The following LEMD2 variants were observed in gnomAD, a reference collection of about 807,000 sequenced individuals.
The protein encoded by LEMD2 is LEM domain-containing protein 2.
Under a neutral mutation model 58.8 loss-of-function variants are expected in LEMD2, and 34 were observed. The ratio of observed to expected loss-of-function variants is 0.58; its 90% CI spans 0.44 to 0.77. The LOEUF (loss-of-function observed/expected upper bound fraction) is 0.77. Ranked by LOEUF, LEMD2 falls within the 30% of genes least tolerant of loss-of-function variation. The pLI is 0.00. For missense variants in LEMD2, 629 were observed against 717.9 expected, an observed-to-expected ratio of 0.88 and a Z score of 1.42; for synonymous variants, 298 against 308.9, an observed-to-expected ratio of 0.96 and a Z score of 0.37.
chr6:33,785,288 G>GC (rs1440209620), intron 2 of LEMD2, among the ~76,000 whole-genome samples: 3 of 152,174 alleles, frequency 2.0e-5, no homozygotes, highest in African/African-American at 7.2e-5. Flanking sequence ...GGCCAAGGGT[G>GC]CCCCATGAAA....
chr6:33,787,570 G>A (rs1767708166), intron 1 of LEMD2, among the ~76,000 whole-genome samples: 1 of 152,234 alleles, frequency 6.6e-6, no homozygotes, highest in South Asian at 2.1e-4. Context: ...TTTGTAAAGA[G>A]TATTAAAAGT....
chr6:33,788,678 T>G lies in LEMD2; in HGVS notation c.439A>C (p.Thr147Pro), dbSNP rs1025459913. The stretch of plus-strand genomic sequence containing the variant: ...GGGCCCTGCGTGGCCCTGTCGGGCG[T>G]CCGGGCGTCCTCGTCCTCCTCGGAG... ...GSSEEDEDAR[T>P]PDRATQGPGL... Residue 147 changes from threonine to proline, a missense_variant, in exon 1 of 9, where the codon ACG (threonine) becomes CCG (proline). Thr to Pro is a conservative substitution (Grantham distance 38, BLOSUM62 -1). This residue lies in a region of LEMD2 where 386 missense variants were observed against 381.1 expected (regional missense o/e 1.01). Coordinates refer to ENST00000293760, the MANE Select transcript of LEMD2 (RefSeq NM_181336.4). 7.5e-7 allele frequency: 1 copy of G among 1,336,838 alleles called. No individual in the cohort carries two copies. Among genetic ancestry groups the G allele is most frequent in the Non-Finnish European group, 9.6e-7 (1 of 1,043,682 alleles). 82.8% of individuals were successfully genotyped at this position (1,336,838 alleles called of 1,614,324 possible).
At chr6:33,786,862 G>C in intron 1 of LEMD2, 88 bp from the exon 2 acceptor site, 1 of 1,573,960 alleles carries the variant, frequency 6.4e-7, no homozygotes, top group Non-Finnish European at 8.6e-7. Flanking sequence ...TTTGGAGGGA[G>C]TAAAGCATTA....
Position 33,788,378 on chromosome 6 carries a change from T to C in LEMD2, c.736+3A>G. ...CCCTCCCCTGCGCCGGCCCAGGACG[T>C]ACTGTTGTCCTCCGCCTCCTGCGGC... On this transcript the variant is annotated splice_donor_region_variant and intron_variant, in intron 1 of 8. Coordinates refer to ENST00000293760, the MANE Select transcript of LEMD2 (RefSeq NM_181336.4). 6.4e-7 allele frequency: 1 copy of C among 1,569,832 alleles called. No homozygotes were observed. The highest frequency in any genetic ancestry group is 8.6e-7 in the Non-Finnish European group (1 of 1,159,802).
intron 3 of LEMD2, chr6:33,782,233 C>A (rs1462601972): frequency 2.0e-5 from 3 of 152,364 alleles, no homozygotes; most frequent in Non-Finnish European, 4.4e-5. Context: ...CTCTCCCTTT[C>A]CCAATCCAGT....
chr6:33,788,893 C>G lies in LEMD2; in HGVS notation c.224G>C (p.Arg75Pro). ...CGGAGAGGCCGCGGCGGGCCGGGCGCGCAGCGGCGCATCCTCGCGTAACCG... is the reference window on the plus strand; with the variant it reads ...CGGAGAGGCCGCGGCGGGCCGGGCGGGCAGCGGCGCATCCTCGCGTAACCG... ...EARLREDAPL[R>P]ARPAAASPRA... The change falls in exon 1 of 9, where the codon CGC becomes CCC. Residue 75 changes from arginine (R) to proline (P), a missense_variant. Arg to Pro is a moderately radical substitution (Grantham distance 103). This residue lies in a region of LEMD2 where 386 missense variants were observed against 381.1 expected (regional missense o/e 1.01). Coordinates refer to ENST00000293760, the MANE Select transcript of LEMD2 (RefSeq NM_181336.4). 7.2e-7 allele frequency: 1 copy of G among 1,388,592 alleles called. No homozygotes were observed. The highest frequency in any genetic ancestry group is 9.3e-7 in the Non-Finnish European group (1 of 1,079,362). The allele number at this position is 1,388,592 out of a possible 1,614,324, so 86.0% of individuals were successfully genotyped here.
Position 33,780,049 on chromosome 6 carries a change from G to A in LEMD2, c.1010+51C>T, listed in dbSNP as rs375812890. The A allele has an allele frequency of 1.3e-5, 19 of 1,450,122 alleles. No homozygotes were observed. In the African/African-American group the frequency reaches 2.7e-4, roughly 20 times the overall value. 89.8% of individuals were successfully genotyped at this position (1,450,122 alleles called of 1,614,324 possible). On this transcript the variant is annotated intron_variant, in intron 5 of 8. Coordinates refer to ENST00000293760, the MANE Select transcript of LEMD2 (RefSeq NM_181336.4). ...AGCACGGGTGTTAGCTGACGAGCGA[G>A]GACAGTGGTTGCAGGCACCCATGCT...
At chr6:33,773,641 CA>C (rs1767359135) in intron 8 of LEMD2, among the ~76,000 whole-genome samples, 2 of 151,620 alleles carry the variant, frequency 1.3e-5, no homozygotes, top group Non-Finnish European at 2.9e-5. Flanking sequence ...TGTCACCAAC[CA>C]AACCCCATGG....
intron 2 of LEMD2, chr6:33,784,806 C>A (rs1263431572): frequency 2.6e-5 from 5 of 190,238 alleles, no homozygotes; most frequent in Non-Finnish European, 5.6e-5. Flanking sequence ...CAACTGCTGT[C>A]GGAGTTTGCA....
At position 33,776,976 on chromosome 6, in the gene LEMD2, T is replaced by C; in HGVS notation, c.1339A>G (p.Ser447Gly). 6.2e-7 allele frequency: 1 copy of C among 1,613,858 alleles called. No homozygotes were observed. The highest frequency in any genetic ancestry group is 1.1e-5 in the South Asian group (1 of 91,078). ...PYVGILHVRD[S>G]LIPPQSRRRM... ...CACCGGCTCTGTGGAGGGATCAAGCTGTCGCGCACGTGCAGGATGCCTACA... is the reference window on the plus strand; with the variant it reads ...CACCGGCTCTGTGGAGGGATCAAGCCGTCGCGCACGTGCAGGATGCCTACA... Residue 447 changes from serine to glycine, a missense_variant, in exon 8 of 9, where the codon AGC (serine) becomes GGC (glycine). Transcript: ENST00000293760.
At chr6:33,774,626 C>T (rs4713679) in intron 8 of LEMD2, among the ~76,000 whole-genome samples, 72,780 of 151,630 alleles carry the variant, frequency 0.48, 18,851 homozygotes, top group East Asian at 0.82. Context: ...GATGGGGTTT[C>T]ACTATGTTGC....
At chr6:33,773,230 G>C (rs564902404) in intron 8 of LEMD2, among the ~76,000 whole-genome samples, 1 of 152,312 alleles carries the variant, frequency 6.6e-6, no homozygotes, top group East Asian at 1.9e-4. Flanking sequence ...GATGAGCTAA[G>C]CATCAGACGG....
chr6:33,773,286 C>T (rs12204620), intron 8 of LEMD2, among the ~76,000 whole-genome samples: 17,712 of 152,190 alleles, frequency 0.12, 1,412 homozygotes, highest in Middle Eastern at 0.22. Context: ...AGAGCCACAA[C>T]GGAGGGCCCC....
chr6:33,783,074 CT>C (rs1366494836), intron 3 of LEMD2, among the ~76,000 whole-genome samples: 1 of 152,226 alleles, frequency 6.6e-6, no homozygotes, highest in Non-Finnish European at 1.5e-5. Flanking sequence ...GATACAGACT[CT>C]GATTCACTGG....
At position 33,772,918 on chromosome 6, in the gene LEMD2, GA is replaced by G. The variant is rs936786203; in HGVS notation, c.1362-141del. The G allele has an allele frequency of 2.8e-4, 195 of 701,874 alleles. No individual in the cohort carries two copies. The African/African-American group carries it at 3.2e-3, about 11-fold the overall frequency. 43.5% of individuals were successfully genotyped at this position (701,874 alleles called of 1,614,324 possible). On this transcript the variant is annotated intron_variant, in intron 8 of 8. Coordinates refer to ENST00000293760, the MANE Select transcript of LEMD2 (RefSeq NM_181336.4). The stretch of plus-strand genomic sequence containing the variant: ...AGGAAAAGCTGGCAGGTACTAACAT[GA>G]CAACTGCAGAGGAGAAAAACGTCTT...
rs191040959 is a variant in LEMD2 at position 33,774,296 on chromosome 6, C to T, written c.1362-1518G>A. Among the ~76,000 whole-genome samples, 284 of 151,660 alleles carry T rather than the reference C, an allele frequency of 1.9e-3. 2 individuals carry two copies. Among genetic ancestry groups the T allele is most frequent in the Non-Finnish European group, 3.5e-3 (239 of 67,852 alleles). The stretch of plus-strand genomic sequence containing the variant: ...AAGTGATTCTCCTGACTCAGCCTCC[C>T]GAGTAGCTGGGACTACAGGTGACTG... On this transcript the variant is annotated intron_variant, in intron 8 of 8. Transcript: ENST00000293760.
rs2182658 is a variant in LEMD2 at position 33,781,054 on chromosome 6, T to G, written c.930+23A>C. 1,231,987 of 1,548,414 alleles carry G rather than the reference T, an allele frequency of 0.8. 492,244 individuals are homozygous for G. The highest frequency in any genetic ancestry group is 0.95 in the East Asian group (42,358 of 44,580). ...AAAGCACCAGGCCCTCCCAGGAATG[T>G]ATAAGCACTGAAGCCTACTTACGGC... On this transcript the variant is annotated intron_variant, in intron 4 of 8. Coordinates refer to ENST00000293760, the MANE Select transcript of LEMD2 (RefSeq NM_181336.4).
chr6:33,782,340 C>T (rs985412542), intron 3 of LEMD2: 2 of 152,362 alleles, frequency 1.3e-5, no homozygotes, highest in African/African-American at 4.8e-5. Context: ...CAGCATGATA[C>T]TCCCTTGCTC....
At chr6:33,782,057 G>C (rs943474) in intron 3 of LEMD2, 75,435 of 151,884 alleles carry the variant, frequency 0.5, 19,703 homozygotes, top group East Asian at 0.82. Context: ...GAAGCCTGTC[G>C]CCTTCCCCTA....
Sources: allele counts gnomAD v4.1 joint callset (sites outside exome capture counted in the v4.1 genomes callset), GRCh38; gene constraint gnomAD v4.1.1; regional missense constraint gnomAD v4.1.1; transcripts MANE v1.5; gene names NCBI Gene and HGNC (gene_info 2026-07-23, HGNC 2026-07-21).